The following VDR variants were observed in gnomAD, a reference collection of about 807,000 sequenced individuals.
VDR encodes vitamin D receptor.
In VDR, 19 loss-of-function variants were observed where a neutral mutation model predicts 39.7. The observed-to-expected ratio is 0.48, with a 90% CI of 0.33 to 0.70. The LOEUF is 0.70. Among genes scored for constraint, VDR ranks in the 30% least tolerant of loss-of-function variants. The pLI is 0.02. For synonymous variants in VDR, 242 were observed against 215.8 expected (o/e 1.12, Z -1.07); for missense variants, 442 against 570.5 (o/e 0.77, Z 2.29).
intron 3 of VDR, among the ~76,000 whole-genome samples, chr12:47,877,366 C>A (rs1394553783): frequency 6.6e-6 from 1 of 152,166 alleles, no homozygotes; most frequent in Non-Finnish European, 1.5e-5. Flanking sequence ...CTTTTTTCAT[C>A]AGACTGAAAA....
At chr12:47,890,435 C>A (rs1009902283) in intron 1 of VDR, among the ~76,000 whole-genome samples, 2 of 150,362 alleles carry the variant, frequency 1.3e-5, no homozygotes, top group African/African-American at 4.9e-5. Context: ...TTGATCCCAA[C>A]CTTCTAGAGC....
intron 1 of VDR, among the ~76,000 whole-genome samples, chr12:47,887,110 G>A (rs1274683749): frequency 4.6e-5 from 7 of 151,950 alleles, no homozygotes; most frequent in Admixed American, 3.3e-4. Context: ...TCAGGAGTTC[G>A]AGACTAGCCT....
intron 1 of VDR, among the ~76,000 whole-genome samples, chr12:47,888,580 G>A (rs915141988): frequency 2.0e-5 from 3 of 152,156 alleles, no homozygotes; most frequent in East Asian, 1.9e-4. Flanking sequence ...AAGATTTCTG[G>A]GCTGATTACT....
intron 6 of VDR, among the ~76,000 whole-genome samples, chr12:47,856,140 C>T (rs1173999691): frequency 1.3e-5 from 2 of 152,196 alleles, no homozygotes; most frequent in East Asian, 3.8e-4. Context: ...GGTCAAAGAA[C>T]TGCAGTGTAG....
At chr12:47,862,456 C>T (rs1289491113) in intron 4 of VDR, among the ~76,000 whole-genome samples, 1 of 152,226 alleles carries the variant, frequency 6.6e-6, no homozygotes, top group Non-Finnish European at 1.5e-5. Context: ...ATTTTAATTC[C>T]TCTGAGCTTC....
intron 7 of VDR, among the ~76,000 whole-genome samples, chr12:47,848,535 T>C (rs1010724999): frequency 1.3e-5 from 2 of 149,582 alleles, no homozygotes; most frequent in African/African-American, 4.9e-5. Context: ...TTCTGCTCTT[T>C]ACATGCTTGT....
At chr12:47,883,722 T>C (rs938785629) in intron 1 of VDR, among the ~76,000 whole-genome samples, 2 of 152,158 alleles carry the variant, frequency 1.3e-5, no homozygotes, top group African/African-American at 4.8e-5. Context: ...CCAGATGGGG[T>C]ATGTCTAGAC....
At chr12:47,892,600 T>TCC (rs1203749578) in intron 1 of VDR, among the ~76,000 whole-genome samples, 1 of 152,062 alleles carries the variant, frequency 6.6e-6, no homozygotes, top group Admixed American at 6.5e-5. Flanking sequence ...TCTGATAGGG[T>TCC]CCCTGCCTAT....
chr12:47,852,828 T>C (rs1272120857), intron 7 of VDR, among the ~76,000 whole-genome samples: 3 of 152,216 alleles, frequency 2.0e-5, no homozygotes, highest in Non-Finnish European at 4.4e-5. Flanking sequence ...AAGAGGGCCA[T>C]ACACCAATAT....
At chr12:47,846,961 A>G (rs1458989381) in intron 7 of VDR, among the ~76,000 whole-genome samples, 153 bp from the exon 8 acceptor site, 1 of 152,176 alleles carries the variant, frequency 6.6e-6, no homozygotes, top group African/African-American at 2.4e-5. Context: ...TGGAAGGGAC[A>G]AGAGTGTTCC....
At chr12:47,848,469 T>C (rs1945321585) in intron 7 of VDR, among the ~76,000 whole-genome samples, 1 of 151,922 alleles carries the variant, frequency 6.6e-6, no homozygotes, top group Non-Finnish European at 1.5e-5. Flanking sequence ...GTTAGGGCCA[T>C]GTCATTGTGA....
At chr12:47,904,885 G>A in intron 1 of VDR, 70 bp downstream of exon 1, 1 of 318,966 alleles carries the variant, frequency 3.1e-6, no homozygotes, top group Non-Finnish European at 5.8e-6. Context: ...CTCAGGCCCC[G>A]GTATCCCAGA....
rs182683334 is a variant in VDR, at chr12:47,851,721, G to A, written c.755+3909C>T. Among the ~76,000 whole-genome samples, 316 of 152,334 alleles carry A rather than the reference G, an allele frequency of 2.1e-3. 2 individuals carry two copies. Among genetic ancestry groups the A allele is most frequent in the African/African-American group, 7.2e-3 (298 of 41,572 alleles). On this transcript the variant is annotated intron_variant, in intron 7 of 9. Coordinates refer to ENST00000549336, the MANE Select transcript of VDR (RefSeq NM_000376.3). ...TCACCTCTGTCCAGTCACAGAGAGCGTCCATACCAGTGTCCCTGCAAGCTC... is the reference window on the plus strand; with the variant it reads ...TCACCTCTGTCCAGTCACAGAGAGCATCCATACCAGTGTCCCTGCAAGCTC...
intron 1 of VDR, among the ~76,000 whole-genome samples, chr12:47,885,260 C>A (rs1029341712): frequency 1.3e-5 from 2 of 152,222 alleles, no homozygotes; most frequent in African/African-American, 4.8e-5. Flanking sequence ...CCAGGGCCTG[C>A]ATCCCACATC....
Position 47,847,335 on chromosome 12 carries a change from G to T in VDR, c.756-527C>A, listed in dbSNP as rs1327614064. 2.6e-5 allele frequency among the ~76,000 whole-genome samples: 4 copies of T among 151,114 alleles called. No individual in the cohort carries two copies. The South Asian group carries it at 8.4e-4, about 32-fold the overall frequency. ...GCGTCTTTTCCAATAGCCTCTTACA[G>T]GAATCCCAGACTTGTGTCTCTCCAG... On this transcript the variant is annotated intron_variant, in intron 7 of 9. Coordinates refer to ENST00000549336, the MANE Select transcript of VDR (RefSeq NM_000376.3).
chr12:47,874,422 T>C (rs2137190762), intron 3 of VDR, among the ~76,000 whole-genome samples: 1 of 152,330 alleles, frequency 6.6e-6, no homozygotes, highest in Middle Eastern at 3.4e-3. Context: ...CACATCAGGT[T>C]GCTAGAAGAG....
intron 1 of VDR, among the ~76,000 whole-genome samples, chr12:47,893,409 C>T (rs369023039): frequency 2.0e-5 from 3 of 151,512 alleles, no homozygotes; most frequent in Non-Finnish European, 4.4e-5. Flanking sequence ...CATCAGTAGT[C>T]GAGCTAGAAG....
At chr12:47,861,605 T>TA (rs1282560738) in intron 4 of VDR, among the ~76,000 whole-genome samples, 1 of 152,252 alleles carries the variant, frequency 6.6e-6, no homozygotes, top group Non-Finnish European at 1.5e-5. Context: ...CACTATATGA[T>TA]ATATGAAGCC....
chr12:47,857,203 G>A lies in VDR; in HGVS notation c.509C>T (p.Pro170Leu), dbSNP rs1272082227. Residue 170 changes from proline to leucine, a missense_variant, in exon 6 of 10, where the codon CCC becomes CTC. Around this residue, in one of 5 missense-constraint regions of VDR, gnomAD observed 77 missense variants for 67.4 expected, o/e 1.14. Coordinates refer to ENST00000549336, the MANE Select transcript of VDR (RefSeq NM_000376.3). ...NDGGGSHPSR[P>L]NSRHTPSFSG... ...GAAGCTGGGAGTGTGTCTGGAGTTG[G>A]GCCTGGAAGGATGGCTCCCTCCACC... is the stretch of plus-strand genomic sequence containing the variant. 2 of 1,614,182 alleles carry A rather than the reference G, an allele frequency of 1.2e-6. No individual in the cohort carries two copies. Among genetic ancestry groups the A allele is most frequent in the Non-Finnish European group, 1.7e-6 (2 of 1,180,030 alleles).
Sources: allele counts gnomAD v4.1 joint callset (sites outside exome capture counted in the v4.1 genomes callset), GRCh38; gene constraint gnomAD v4.1.1; regional missense constraint gnomAD v4.1.1; transcripts MANE v1.5; gene names NCBI Gene and HGNC (gene_info 2026-07-23, HGNC 2026-07-21).